Variants in BCLAF3 observed in about 807,000 individuals in gnomAD.
BCLAF3 encodes the protein BCLAF1 and THRAP3 family member 3, also known as transient octamer binding factor 1.
In BCLAF3, 24 loss-of-function variants were observed where a neutral mutation model predicts 51.2. The ratio of observed to expected loss-of-function variants is 0.47; its 90% CI spans 0.34 to 0.66. The LOEUF (loss-of-function observed/expected upper bound fraction) is 0.66. Ranked by LOEUF, BCLAF3 falls within the 30% of genes least tolerant of loss-of-function variation. The pLI, the probability that BCLAF3 is intolerant of heterozygous loss-of-function variation, is 0.01. For missense variants in BCLAF3, 465 were observed against 525.1 expected (o/e 0.89, Z 1.12); for synonymous variants, 152 against 176.6 (o/e 0.86, Z 1.10).
At chrX:19,989,536 A>G (rs945269467) in intron 1 of BCLAF3, among the ~76,000 whole-genome samples, 7 of 112,396 alleles carry the variant, frequency 6.2e-5, no homozygotes, top group Admixed American at 4.7e-4. Context: ...CCAACAATGT[A>G]TTTTAATAGG....
chrX:19,964,946 G>T, intron 4 of BCLAF3, 98 bp downstream of exon 4: 2 of 729,775 alleles, frequency 2.7e-6, no homozygotes, highest in Non-Finnish European at 3.8e-6. Flanking sequence ...CCTCCCACTT[G>T]ATGGACTCTA....
At chrX:19,963,202 C>CTTTTT (rs2071924057) in intron 4 of BCLAF3, among the ~76,000 whole-genome samples, 1 of 89,733 alleles carries the variant, frequency 1.1e-5, no homozygotes. Flanking sequence ...TTTTTTGAGA[C>CTTTTT]AGAGTCTCAC....
intron 11 of BCLAF3, among the ~76,000 whole-genome samples, chrX:19,925,975 T>G (rs1201321086): frequency 1.8e-5 from 2 of 111,438 alleles, no homozygotes; most frequent in Non-Finnish European, 3.8e-5. Flanking sequence ...AGGGTGCTAG[T>G]AGTAAGGTAC....
Position 19,965,461 on chromosome X carries a change from G to T in BCLAF3, c.857C>A (p.Pro286His). 1 of 1,211,709 alleles carries T rather than the reference G, an allele frequency of 8.3e-7. No individual in the cohort carries two copies. The highest frequency in any genetic ancestry group is 1.8e-5 in the South Asian group (1 of 56,948). Reference protein sequence around the residue: ...KVSYDYRHKRPKLLDGDQDFS... With the variant: ...KVSYDYRHKRHKLLDGDQDFS... ...GTCCTGGTCCCCATCCAAGAGCTTA[G>T]GACGTTTGTGACGATAGTCATAGGA... The change falls in exon 4 of 12, where the codon CCT (proline) becomes CAT (histidine). Residue 286 changes from proline (P) to histidine (H), a missense_variant. Physicochemically the swap from Pro to His is moderately conservative, Grantham distance 77 (BLOSUM62 -2). Transcript: ENST00000379682.
At chrX:19,957,899 A>G (rs1422528751) in intron 4 of BCLAF3, among the ~76,000 whole-genome samples, 1 of 112,018 alleles carries the variant, frequency 8.9e-6, no homozygotes, top group Admixed American at 9.5e-5. Flanking sequence ...AATGTTCTAA[A>G]TATTTATATT....
chrX:19,940,854 C>T (rs1169757152), intron 8 of BCLAF3, among the ~76,000 whole-genome samples: 1 of 111,568 alleles, frequency 9.0e-6, no homozygotes, highest in African/African-American at 3.3e-5. Context: ...ACACTGACTT[C>T]CACTATGGTT....
chrX:19,976,323 C>T (rs2072420102), intron 1 of BCLAF3, among the ~76,000 whole-genome samples: 1 of 112,395 alleles, frequency 8.9e-6, no homozygotes, highest in African/African-American at 3.2e-5. Flanking sequence ...TATTATTTCA[C>T]ACTCATGAGA....
intron 3 of BCLAF3, 48 bp from the exon 4 acceptor site, chrX:19,965,754 G>A: frequency 2.8e-6 from 3 of 1,070,843 alleles, no homozygotes; most frequent in Non-Finnish European, 3.7e-6. Flanking sequence ...AGAAGAAAGG[G>A]AGAATTTATA....
intron 4 of BCLAF3, among the ~76,000 whole-genome samples, chrX:19,959,394 A>G (rs2071775280): frequency 9.0e-6 from 1 of 111,583 alleles, no homozygotes; most frequent in Non-Finnish European, 1.9e-5. Flanking sequence ...CCCTCAAAAA[A>G]TACCCACTGA....
chrX:19,977,643 A>G (rs2072470747), intron 1 of BCLAF3, among the ~76,000 whole-genome samples: 1 of 112,819 alleles, frequency 8.9e-6, no homozygotes, highest in South Asian at 3.6e-4. Flanking sequence ...GTGAGGCAGC[A>G]AGTGCTGACG....
At chrX:19,971,272 G>A (rs915138844) in intron 1 of BCLAF3, among the ~76,000 whole-genome samples, 1 of 111,187 alleles carries the variant, frequency 9.0e-6, no homozygotes, top group Non-Finnish European at 1.9e-5. Flanking sequence ...TGGTAGACAC[G>A]GGGTTTTGCC....
At chrX:19,943,948 C>T (rs1166896376) in intron 8 of BCLAF3, among the ~76,000 whole-genome samples, 2 of 73,709 alleles carry the variant, frequency 2.7e-5, no homozygotes, top group Non-Finnish European at 5.1e-5. Context: ...CTTTATGAAT[C>T]TGGGTGCTCC....
chrX:19,959,623 A>T (rs771033895), intron 4 of BCLAF3, among the ~76,000 whole-genome samples: 47 of 107,607 alleles, frequency 4.4e-4, no homozygotes, highest in Non-Finnish European at 6.7e-4. Flanking sequence ...AAATAAAAAA[A>T]AAAAAATAGC....
intron 4 of BCLAF3, among the ~76,000 whole-genome samples, chrX:19,956,977 G>A (rs2071688602): frequency 8.9e-6 from 1 of 111,779 alleles, no homozygotes; most frequent in South Asian, 3.7e-4. Context: ...AGGGTTATGA[G>A]GGGCTTACAG....
At position 19,929,784 on chromosome X, in the gene BCLAF3, C is replaced by A; in HGVS notation, c.2106+1G>T. 2 of 1,192,297 alleles carry A rather than the reference C, an allele frequency of 1.7e-6. No homozygotes were observed. Among genetic ancestry groups the A allele is most frequent in the Non-Finnish European group, 2.3e-6 (2 of 887,479 alleles). Reference sequence around the variant, plus strand: ...TTTTAAATCATTTTAATTCAACTAACCTTCTTTTTTCTCATTAATCTTTCT... The same window carrying A: ...TTTTAAATCATTTTAATTCAACTAAACTTCTTTTTTCTCATTAATCTTTCT... On this transcript the variant is annotated splice_donor_variant, in intron 11 of 11. Transcript: ENST00000379682. LOFTEE classifies it high-confidence loss of function.
chrX:19,962,480 G>A (rs2071893115), intron 4 of BCLAF3, among the ~76,000 whole-genome samples: 1 of 112,213 alleles, frequency 8.9e-6, no homozygotes, highest in African/African-American at 3.2e-5. Flanking sequence ...ATTGCACCTG[G>A]CCACATCATT....
chrX:19,956,380 C>T (rs997876972), intron 4 of BCLAF3, among the ~76,000 whole-genome samples: 4 of 111,613 alleles, frequency 3.6e-5, no homozygotes, highest in Non-Finnish European at 7.5e-5. Flanking sequence ...CCAACATGAT[C>T]TCATTTCATC....
Position 19,940,325 on chromosome X carries a change from G to A in BCLAF3, c.1746-2793C>T, listed in dbSNP as rs772658506. 8.6e-5 allele frequency among the ~76,000 whole-genome samples: 9 copies of A among 105,222 alleles called. No homozygotes were observed. In the East Asian group the frequency reaches 2.4e-3, roughly 28 times the overall value. The allele number at this position is 105,222 out of a possible 115,157, so 91.4% of individuals were successfully genotyped here. On this transcript the variant is annotated intron_variant, in intron 8 of 11. Coordinates refer to ENST00000379682, the MANE Select transcript of BCLAF3 (RefSeq NM_001367774.2). ...AAGTTTTAGGGTACATGTGCACATT[G>A]TGCAGGTTAGTTACATATGTATACA... is the stretch of plus-strand genomic sequence containing the variant.
chrX:19,983,506 C>G (rs1362389616), intron 1 of BCLAF3, among the ~76,000 whole-genome samples: 6 of 107,654 alleles, frequency 5.6e-5, no homozygotes, highest in African/African-American at 1.7e-4. Flanking sequence ...CACCTGAGGT[C>G]AGAAGACAAG....
Sources: allele counts gnomAD v4.1 joint callset (sites outside exome capture counted in the v4.1 genomes callset), GRCh38; gene constraint gnomAD v4.1.1; transcripts MANE v1.5; gene names NCBI Gene and HGNC (gene_info 2026-07-23, HGNC 2026-07-21).